Variants in EDNRA observed in about 807,000 individuals in gnomAD.
The protein encoded by EDNRA is endothelin receptor type A.
In EDNRA, 11 loss-of-function variants were observed where a neutral mutation model predicts 41.4. That is an observed-to-expected ratio of 0.27 (90% CI 0.17 to 0.44). The LOEUF (loss-of-function observed/expected upper bound fraction) is 0.44. Ranked by LOEUF, EDNRA falls within the 20% of genes least tolerant of loss-of-function variation. The pLI is 1.00. For synonymous variants in EDNRA, 172 were observed against 183.0 expected (o/e 0.94, Z 0.49); for missense variants, 294 against 531.0 (o/e 0.55, Z 4.39).
chr4:147,523,539 A>G (rs191612317), intron 3 of EDNRA, among the ~76,000 whole-genome samples: 63 of 145,822 alleles, frequency 4.3e-4, no homozygotes, highest in Admixed American at 1.3e-3. Flanking sequence ...GGCCCAGGCT[A>G]GAGTGCAGTG....
At chr4:147,484,261 A>AAAAT (rs375380981) in intron 1 of EDNRA, among the ~76,000 whole-genome samples, 5,119 of 152,154 alleles carry the variant, frequency 0.034, 205 homozygotes, top group African/African-American at 0.093. Flanking sequence ...AAGTGACTTA[A>AAAAT]AAATAAATAA....
intron 2 of EDNRA, chr4:147,489,691 G>A (rs2126380235): frequency 6.6e-6 from 1 of 152,066 alleles, no homozygotes; most frequent in South Asian, 2.1e-4. Context: ...GGTGGGATGG[G>A]GTCATTCCAC....
intron 3 of EDNRA, among the ~76,000 whole-genome samples, chr4:147,529,049 A>G (rs1441196336): frequency 6.6e-6 from 1 of 152,240 alleles, no homozygotes; most frequent in Non-Finnish European, 1.5e-5. Flanking sequence ...AGCTATGGCA[A>G]TCATCAAGGC....
intron 3 of EDNRA, among the ~76,000 whole-genome samples, chr4:147,528,432 G>A (rs1395849553): frequency 6.8e-6 from 1 of 147,054 alleles, no homozygotes; most frequent in Non-Finnish European, 1.5e-5. Flanking sequence ...ATCAGGGATC[G>A]CTGCAGGCTC....
In EDNRA at chr4:147,519,591, TA is replaced by T. The variant is rs1730242191; in HGVS notation, c.421-257del. Among the ~76,000 whole-genome samples the T allele has an allele frequency of 2.0e-5, 3 of 149,748 alleles. No homozygotes were observed. In the South Asian group the frequency reaches 6.3e-4, roughly 31 times the overall value. ...ATACACTATATTGATTTTTATGTAT[TA>T]AATATATATCACAATATATTCATGT... On this transcript the variant is annotated intron_variant, in intron 2 of 7. Coordinates refer to ENST00000651419, the MANE Select transcript of EDNRA (RefSeq NM_001957.4). This position sits in a 1 kb window ranked among gnomAD's most constrained non-coding sequence, Gnocchi z 4.1.
intron 3 of EDNRA, among the ~76,000 whole-genome samples, chr4:147,524,473 A>G (rs1730459465): frequency 6.6e-6 from 1 of 152,142 alleles, no homozygotes; most frequent in African/African-American, 2.4e-5. Context: ...AATGTGAGTC[A>G]TTCTTAGTTA....
At chr4:147,525,150 A>T (rs772539706) in intron 3 of EDNRA, among the ~76,000 whole-genome samples, 2 of 152,244 alleles carry the variant, frequency 1.3e-5, no homozygotes, top group African/African-American at 2.4e-5. Flanking sequence ...TTTCTTTATT[A>T]CTTCGTCAAT....
intron 5 of EDNRA, among the ~76,000 whole-genome samples, chr4:147,536,403 A>G (rs1560918677): frequency 6.6e-6 from 1 of 152,336 alleles, no homozygotes; most frequent in East Asian, 1.9e-4. Flanking sequence ...TAAAATATGC[A>G]TGCAAAACAA....
At position 147,539,870 on chromosome 4, in the gene EDNRA, C is replaced by G; in HGVS notation, c.954C>G (p.Cys318Trp). The change falls in exon 6 of 8, where the codon TGC (cysteine) becomes TGG (tryptophan). Residue 318 changes from cysteine (C) to tryptophan (W), a missense_variant. By Grantham distance (215) the Cys-to-Trp change is radical. Around this residue, in one of 3 missense-constraint regions of EDNRA, gnomAD observed 185 missense variants for 390.8 expected, o/e 0.47. Transcript: ENST00000651419. ...VFCLVVIFAL[C>W]WFPLHLSRIL... ...GCTTGGTTGTAATTTTTGCTCTTTG[C>G]TGGTTCCCTCTTCATTTAAGCCGTA... is the stretch of plus-strand genomic sequence containing the variant. 1 of 1,613,174 alleles carries G rather than the reference C, an allele frequency of 6.2e-7. No individual in the cohort carries two copies. Among genetic ancestry groups the G allele is most frequent in the Non-Finnish European group, 8.5e-7 (1 of 1,179,880 alleles).
intron 4 of EDNRA, among the ~76,000 whole-genome samples, chr4:147,535,204 C>T (rs1393505194): frequency 3.3e-5 from 5 of 152,124 alleles, no homozygotes; most frequent in East Asian, 1.9e-4. Context: ...CGAATAATCT[C>T]GGTATTTATA....
chr4:147,494,016 C>T (rs1729224824), intron 2 of EDNRA: 1 of 152,152 alleles, frequency 6.6e-6, no homozygotes, highest in South Asian at 2.1e-4. Context: ...ACTTTTAAAA[C>T]AACTTCCTTG....
intron 2 of EDNRA, among the ~76,000 whole-genome samples, chr4:147,503,458 A>G (rs1729582782): frequency 6.6e-6 from 1 of 152,148 alleles, no homozygotes; most frequent in African/African-American, 2.4e-5. Flanking sequence ...TTTAGTTCCC[A>G]TGTGTAGAAA....
At chr4:147,504,469 C>T (rs1036171434) in intron 2 of EDNRA, among the ~76,000 whole-genome samples, 2 of 152,124 alleles carry the variant, frequency 1.3e-5, no homozygotes, top group African/African-American at 4.8e-5. Flanking sequence ...ATATCACCAC[C>T]AATCCTTTGT....
At position 147,485,801 on chromosome 4, in the gene EDNRA, T is replaced by C. The variant is rs1317070146; in HGVS notation, c.120T>C (p.Phe40=). 2 of 1,614,136 alleles carry C rather than the reference T, an allele frequency of 1.2e-6. No homozygotes were observed. Among genetic ancestry groups the C allele is most frequent in the African/African-American group, 1.3e-5 (1 of 74,952 alleles). ...ATCATGTGGATGATTTCACCACTTTTCGTGGCACAGAGCTCAGCTTCCTGG... is the reference window on the plus strand; with the variant it reads ...ATCATGTGGATGATTTCACCACTTTCCGTGGCACAGAGCTCAGCTTCCTGG... ...LSNHVDDFTT[F]RGTELSFLVT... The change falls in exon 2 of 8, where the codon TTT becomes TTC. Residue 40 remains phenylalanine (F), a synonymous_variant. Transcript: ENST00000651419.
At chr4:147,496,442 T>A (rs1317523437) in intron 2 of EDNRA, among the ~76,000 whole-genome samples, 1 of 152,250 alleles carries the variant, frequency 6.6e-6, no homozygotes, top group Non-Finnish European at 1.5e-5. Context: ...TAATACTTTT[T>A]AAACTTTTAA....
chr4:147,482,033 G>A (rs1728778661), intron 1 of EDNRA, among the ~76,000 whole-genome samples: 1 of 152,190 alleles, frequency 6.6e-6, no homozygotes, highest in Admixed American at 6.5e-5. Flanking sequence ...GCTTTCCCCT[G>A]ATAGAGTTGG....
rs1204199347 is a variant in EDNRA, at chr4:147,519,952, C to T, written c.522C>T (p.Leu174=). The T allele has an allele frequency of 4.3e-6, 7 of 1,613,098 alleles. No individual in the cohort carries two copies. Among genetic ancestry groups the T allele is most frequent in the Non-Finnish European group, 5.9e-6 (7 of 1,179,344 alleles). ...AGTCCTCGGTGGGGATCACCGTCCT[C>T]AACCTCTGCGCTCTTAGTGTTGACA... ...LQKSSVGITV[L]NLCALSVDRY... is the part of the protein sequence containing the mutation. The change falls in exon 3 of 8, where the codon CTC becomes CTT. Residue 174 remains leucine, a synonymous_variant. Coordinates refer to ENST00000651419, the MANE Select transcript of EDNRA (RefSeq NM_001957.4). The surrounding 1 kb of genome is among the most constrained non-coding windows in gnomAD (Gnocchi z 4.1).
chr4:147,530,782 T>C (rs554294506), intron 3 of EDNRA, among the ~76,000 whole-genome samples: 51 of 152,298 alleles, frequency 3.3e-4, no homozygotes, highest in African/African-American at 1.2e-3. Context: ...TTGGTGGATA[T>C]GGGTAGCTTG....
intron 2 of EDNRA, among the ~76,000 whole-genome samples, chr4:147,505,792 G>A (rs1000290330): frequency 6.6e-6 from 1 of 151,330 alleles, no homozygotes; most frequent in East Asian, 1.9e-4. Flanking sequence ...GGGACCACAG[G>A]TGCCCGCCAC....
Sources: allele counts gnomAD v4.1 joint callset (sites outside exome capture counted in the v4.1 genomes callset), GRCh38; gene constraint gnomAD v4.1.1; regional missense constraint gnomAD v4.1.1; non-coding constraint Gnocchi (gnomAD v3.1); transcripts MANE v1.5; gene names NCBI Gene and HGNC (gene_info 2026-07-23, HGNC 2026-07-21).